ASXL3: variants seen among roughly 807,000 people sequenced by gnomAD.
ASXL3 encodes the protein putative Polycomb group protein ASXL3.
ASXL3 carries 34 observed loss-of-function variants against 170.6 expected under a neutral mutation model. The ratio of observed to expected loss-of-function variants is 0.20; its 90% CI spans 0.15 to 0.27. ASXL3 has a LOEUF of 0.27. Among genes scored for constraint, ASXL3 ranks in the 10% least tolerant of loss-of-function variants. ASXL3 has a pLI of 1.00. For synonymous variants in ASXL3, 1,002 were observed against 989.1 expected (o/e 1.01, Z -0.24); for missense variants, 2,592 against 2,695.3 (o/e 0.96, Z 0.85).
chr18:33,642,252 A>C (rs1044560883), intron 2 of ASXL3, among the ~76,000 whole-genome samples: 4 of 152,124 alleles, frequency 2.6e-5, no homozygotes, highest in Non-Finnish European at 5.9e-5. Context: ...TAGTTTATGG[A>C]ATTGATGAGG....
chr18:33,636,830 A>C (rs1314690831), intron 2 of ASXL3, among the ~76,000 whole-genome samples: 1 of 152,132 alleles, frequency 6.6e-6, no homozygotes, highest in Non-Finnish European at 1.5e-5. Flanking sequence ...TATTTGTGTT[A>C]TACCAGTTGA....
At chr18:33,725,504 G>C (rs2067334776) in intron 8 of ASXL3, among the ~76,000 whole-genome samples, 1 of 151,980 alleles carries the variant, frequency 6.6e-6, no homozygotes, top group South Asian at 2.1e-4. Context: ...GTATTCCTCA[G>C]GACTCTGCTT....
intron 1 of ASXL3, among the ~76,000 whole-genome samples, chr18:33,590,160 A>G (rs2065066493): frequency 1.1e-5 from 1 of 91,878 alleles, no homozygotes; most frequent in Non-Finnish European, 1.9e-5. Context: ...TTCATGGTGT[A>G]GGCAGGATTC....
intron 1 of ASXL3, among the ~76,000 whole-genome samples, chr18:33,600,259 GAATCCC>G (rs1319406140): frequency 2.0e-5 from 3 of 152,104 alleles, no homozygotes; most frequent in Non-Finnish European, 4.4e-5. Flanking sequence ...ATAACTTATT[GAATCCC>G]ATAATTGTAA....
chr18:33,732,846 G>A (rs1043219544), intron 9 of ASXL3, among the ~76,000 whole-genome samples: 2 of 128,880 alleles, frequency 1.6e-5, no homozygotes, highest in Admixed American at 1.7e-4. Context: ...AGGCAACAGA[G>A]TGACACCCTG....
intron 7 of ASXL3, among the ~76,000 whole-genome samples, chr18:33,673,817 AT>A (rs1409920673): frequency 6.6e-6 from 1 of 152,188 alleles, no homozygotes; most frequent in Non-Finnish European, 1.5e-5. Context: ...TAAATACCTT[AT>A]GTGTTAAATA....
intron 2 of ASXL3, among the ~76,000 whole-genome samples, chr18:33,638,087 G>A (rs547358932): frequency 6.6e-6 from 1 of 151,134 alleles, no homozygotes; most frequent in South Asian, 2.1e-4. Flanking sequence ...CTCAATTATG[G>A]ATCTGAATTC....
In ASXL3 at chr18:33,646,269, G is replaced by A. The variant is rs760550092; in HGVS notation, c.271G>A (p.Asp91Asn). The change falls in exon 4 of 12, where the codon GAT becomes AAT. Residue 91 changes from aspartate (D) to asparagine (N), a missense_variant. Physicochemically the swap from Asp to Asn is conservative, Grantham distance 23. Around this residue, in one of 4 missense-constraint regions of ASXL3, gnomAD observed 251 missense variants for 281.9 expected, o/e 0.89. Transcript: ENST00000269197. ...GAAAGAGGAGTCGTCATGCCCAGCA[G>A]ATGGCACGTTGGATTTAGTCTGTGA... ...LKKEESSCPADGTLDLVCESE... is the reference protein window; with the variant it reads ...LKKEESSCPANGTLDLVCESE... 1 of 1,611,480 alleles carries A rather than the reference G, an allele frequency of 6.2e-7. No individual in the cohort carries two copies. Among genetic ancestry groups the A allele is most frequent in the South Asian group, 1.1e-5 (1 of 91,002 alleles).
Position 33,578,460 on chromosome 18 carries a change from C to A in ASXL3, c.-172C>A, listed in dbSNP as rs1479929054. ...ACCCCCTCGCTCCATCCCTCCCACCCGCCGCCGCCGCCGCCGCCGCCGCCG... is the reference window on the plus strand; with the variant it reads ...ACCCCCTCGCTCCATCCCTCCCACCAGCCGCCGCCGCCGCCGCCGCCGCCG... On this transcript the variant is annotated 5_prime_UTR_variant, in exon 1 of 12. Transcript: ENST00000269197. 4.9e-4 allele frequency: 12 copies of A among 24,600 alleles called. No homozygotes were observed. Among genetic ancestry groups the A allele is most frequent in the African/African-American group, 1.4e-3 (11 of 7,690 alleles). The allele number at this position is 24,600 out of a possible 1,614,324, so 1.5% of individuals were successfully genotyped here.
At chr18:33,700,616 G>C (rs41507349) in intron 8 of ASXL3, among the ~76,000 whole-genome samples, 11,172 of 152,088 alleles carry the variant, frequency 0.073, 410 homozygotes, top group South Asian at 0.11. Context: ...GTGAGAAAGT[G>C]AGTTCACTGA....
intron 1 of ASXL3, among the ~76,000 whole-genome samples, chr18:33,583,426 G>T (rs2065009488): frequency 2.0e-5 from 3 of 152,106 alleles, no homozygotes. Context: ...TCTGTGGTCT[G>T]CACATAGCAT....
In ASXL3 at chr18:33,750,255, T is replaced by G. The variant is rs1381501183; in HGVS notation, c.*3660T>G. On this transcript the variant is annotated 3_prime_UTR_variant, in exon 12 of 12. Transcript: ENST00000269197. ...AAAATGTTACTAAATATAAAATTCC[T>G]GTCGTCTTCAGTCTTCATGCTTTGT... is the stretch of plus-strand genomic sequence containing the variant. The G allele has an allele frequency of 1.3e-5, 2 of 152,260 alleles. No homozygotes were observed. Among genetic ancestry groups the G allele is most frequent in the Non-Finnish European group, 2.9e-5 (2 of 68,042 alleles). The allele number at this position is 152,260 out of a possible 1,614,324, so 9.4% of individuals were successfully genotyped here.
chr18:33,674,476 G>T (rs1211880359), intron 7 of ASXL3, among the ~76,000 whole-genome samples: 2 of 152,188 alleles, frequency 1.3e-5, no homozygotes, highest in Non-Finnish European at 2.9e-5. Context: ...AACCTATCAA[G>T]CAGCTGAATG....
chr18:33,626,290 T>TAA (rs2065602888), intron 2 of ASXL3, among the ~76,000 whole-genome samples: 1 of 152,122 alleles, frequency 6.6e-6, no homozygotes, highest in Non-Finnish European at 1.5e-5. Context: ...AAAAAAATCT[T>TAA]ACCATTTCAA....
chr18:33,638,276 T>A (rs2065800330), intron 2 of ASXL3, among the ~76,000 whole-genome samples: 2 of 151,926 alleles, frequency 1.3e-5, no homozygotes, highest in African/African-American at 4.8e-5. Flanking sequence ...TTGCCCAGAC[T>A]AGTCTCGAAT....
At chr18:33,624,919 G>C (rs888755026) in intron 2 of ASXL3, among the ~76,000 whole-genome samples, 1 of 152,100 alleles carries the variant, frequency 6.6e-6, no homozygotes, top group Non-Finnish European at 1.5e-5. Context: ...TTTGCTGCCT[G>C]TTAAACTAAA....
chr18:33,578,961 G>A lies in ASXL3; in HGVS notation c.54+276G>A, dbSNP rs796872159. 9.9e-5 allele frequency: 18 copies of A among 181,986 alleles called. No homozygotes were observed. The East Asian group carries it at 2.0e-3, about 21-fold the overall frequency. 11.3% of individuals were successfully genotyped at this position (181,986 alleles called of 1,614,324 possible). ...TACTTCGCTCTCGGGGCTCTGCTGT[G>A]CCTTCTCCACGGGTGAATTTCCGAG... On this transcript the variant is annotated intron_variant, in intron 1 of 11. Transcript: ENST00000269197.
intron 8 of ASXL3, among the ~76,000 whole-genome samples, chr18:33,691,902 T>C (rs2066692159): frequency 6.6e-6 from 1 of 152,310 alleles, no homozygotes; most frequent in East Asian, 1.9e-4. Flanking sequence ...CTTCTACATA[T>C]ATTATCAGCA....
Position 33,744,196 on chromosome 18 carries a change from T to G in ASXL3, c.4348T>G (p.Ser1450Ala). Residue 1450 changes from serine to alanine, a missense_variant, in exon 12 of 12, where the codon TCT (serine) becomes GCT (alanine). By Grantham distance (99) the Ser-to-Ala change is moderately conservative. Coordinates refer to ENST00000269197, the MANE Select transcript of ASXL3 (RefSeq NM_030632.3). ...NSGPRNRADN[S>A]GKPQQPPGGF... ...AGGGCCTCGAAACAGGGCAGATAAT[T>G]CTGGAAAACCTCAGCAACCACCAGG... 1.2e-6 allele frequency: 2 copies of G among 1,613,898 alleles called. No individual in the cohort carries two copies. Among genetic ancestry groups the G allele is most frequent in the Non-Finnish European group, 1.7e-6 (2 of 1,179,886 alleles).
Sources: gnomAD v4.1 joint callset for allele counts (sites outside exome capture counted in the v4.1 genomes callset) on GRCh38, gnomAD v4.1.1 for gene constraint, gnomAD v4.1.1 regional missense constraint, MANE v1.5 for transcripts, NCBI Gene and HGNC (gene_info 2026-07-23, HGNC 2026-07-21) for gene names.